Variants in NEGR1 observed in about 807,000 individuals in gnomAD.
NEGR1 encodes IgLON family member 4.
A neutral mutation model predicts 40.9 loss-of-function variants in NEGR1; 10 were observed. The ratio of observed to expected loss-of-function variants is 0.24; its 90% CI spans 0.15 to 0.42. The LOEUF (loss-of-function observed/expected upper bound fraction) is 0.42. NEGR1 is among the 10% of genes least tolerant of loss of function. NEGR1 has a pLI of 1.00. For synonymous variants in NEGR1, 185 were observed against 166.8 expected, an observed-to-expected ratio of 1.11 and a Z score of -0.84; for missense variants, 352 against 438.9, an observed-to-expected ratio of 0.80 and a Z score of 1.77.
chr1:71,905,383 A>T (rs1240111824), intron 2 of NEGR1, among the ~76,000 whole-genome samples: 1 of 151,758 alleles, frequency 6.6e-6, no homozygotes, highest in African/African-American at 2.4e-5. Context: ...TTTTCATCTA[A>T]TCTCATTTTT....
chr1:71,890,117 C>A (rs1377724107), intron 2 of NEGR1, among the ~76,000 whole-genome samples: 1 of 135,536 alleles, frequency 7.4e-6, no homozygotes, highest in Non-Finnish European at 1.6e-5. Flanking sequence ...AAAATCATGC[C>A]AAAATGTAAA....
chr1:72,074,365 T>C (rs912121459), intron 1 of NEGR1, among the ~76,000 whole-genome samples: 6 of 152,098 alleles, frequency 3.9e-5, no homozygotes, highest in African/African-American at 1.4e-4. Flanking sequence ...AATATTTATA[T>C]AGTTTAGTTA....
intron 6 of NEGR1, among the ~76,000 whole-genome samples, chr1:71,428,193 TG>T (rs902637564): frequency 2.0e-4 from 30 of 152,208 alleles, no homozygotes; most frequent in African/African-American, 6.8e-4. Flanking sequence ...AATGCCCTCT[TG>T]TATTTTCACA....
At chr1:72,041,301 T>C in intron 1 of NEGR1, among the ~76,000 whole-genome samples, 1 of 152,156 alleles carries the variant, frequency 6.6e-6, no homozygotes, top group African/African-American at 2.4e-5. Flanking sequence ...TTTACAAATT[T>C]CCTTTACAGG....
At chr1:71,684,472 G>C (rs1239998572) in intron 4 of NEGR1, among the ~76,000 whole-genome samples, 1 of 152,078 alleles carries the variant, frequency 6.6e-6, no homozygotes, top group Non-Finnish European at 1.5e-5. Flanking sequence ...ACGTATGTTT[G>C]TGTGTATGTA....
intron 3 of NEGR1, among the ~76,000 whole-genome samples, chr1:71,738,516 G>A (rs1429200067): frequency 1.3e-5 from 2 of 152,150 alleles, no homozygotes; most frequent in African/African-American, 4.8e-5. Flanking sequence ...TGGGGATGGG[G>A]ATCAGAGTGA....
At chr1:71,958,303 T>G (rs890391305) in intron 1 of NEGR1, among the ~76,000 whole-genome samples, 1 of 152,018 alleles carries the variant, frequency 6.6e-6, no homozygotes, top group Non-Finnish European at 1.5e-5. Flanking sequence ...AAAGCAGGAG[T>G]GAACAGATTT....
chr1:72,124,112 T>C (rs1289718847), intron 1 of NEGR1, among the ~76,000 whole-genome samples: 1 of 152,062 alleles, frequency 6.6e-6, no homozygotes, highest in African/African-American at 2.4e-5. Flanking sequence ...GCTGCTGGCT[T>C]GCTCATCTCT....
At position 71,619,285 on chromosome 1, in the gene NEGR1, G is replaced by T. The variant is rs1650540739; in HGVS notation, c.668-8139C>A. On this transcript the variant is annotated intron_variant, in intron 4 of 6. Transcript: ENST00000357731. ...AAGATGATCAAATGAAAAAATCTGA[G>T]TGATTGCTTCCAGAGCCTATTTCTC... 2.6e-5 allele frequency among the ~76,000 whole-genome samples: 4 copies of T among 152,026 alleles called. No individual in the cohort carries two copies. The South Asian group carries it at 8.3e-4, about 32-fold the overall frequency.
chr1:71,870,813 T>A (rs1175575490), intron 2 of NEGR1, among the ~76,000 whole-genome samples: 1 of 152,194 alleles, frequency 6.6e-6, no homozygotes, highest in Non-Finnish European at 1.5e-5. Flanking sequence ...ACTCATGAGA[T>A]GTTGTTTTCA....
chr1:71,824,071 A>C (rs1286489009), intron 2 of NEGR1, among the ~76,000 whole-genome samples: 1 of 151,996 alleles, frequency 6.6e-6, no homozygotes, highest in African/African-American at 2.4e-5. Context: ...TAAACATAAA[A>C]TATAATCCTG....
chr1:71,451,421 C>T (rs1646627397), intron 6 of NEGR1, among the ~76,000 whole-genome samples: 1 of 151,408 alleles, frequency 6.6e-6, no homozygotes, highest in Non-Finnish European at 1.5e-5. Flanking sequence ...GCAACCTCCG[C>T]CTCCTGGGTT....
intron 1 of NEGR1, among the ~76,000 whole-genome samples, chr1:72,171,923 C>A (rs1486112): frequency 6.6e-6 from 1 of 152,030 alleles, no homozygotes; most frequent in Admixed American, 6.6e-5. Flanking sequence ...GTTTGGGAAC[C>A]CAGTATTTTC....
intron 5 of NEGR1, among the ~76,000 whole-genome samples, chr1:71,595,964 AAT>A (rs1649695975): frequency 6.6e-6 from 1 of 152,070 alleles, no homozygotes; most frequent in Non-Finnish European, 1.5e-5. Context: ...CTGTAAAAAG[AAT>A]CATTCTTATA....
intron 6 of NEGR1, among the ~76,000 whole-genome samples, chr1:71,529,945 G>A (rs1471833170): frequency 6.6e-6 from 1 of 150,978 alleles, no homozygotes; most frequent in African/African-American, 2.4e-5. Context: ...ATTCTGACTT[G>A]TCAAGAATAT....
At chr1:72,207,942 T>C (rs78829398) in intron 1 of NEGR1, among the ~76,000 whole-genome samples, 5,821 of 151,862 alleles carry the variant, frequency 0.038, 353 homozygotes, top group African/African-American at 0.13. Flanking sequence ...ATTTTGATTA[T>C]ACTGATAAAG....
At chr1:71,817,773 T>C (rs776630087) in intron 2 of NEGR1, among the ~76,000 whole-genome samples, 1 of 151,966 alleles carries the variant, frequency 6.6e-6, no homozygotes, top group African/African-American at 2.4e-5. Context: ...GTATGAAAAA[T>C]AATACATAAA....
chr1:72,018,121 C>T (rs1557485887), intron 1 of NEGR1, among the ~76,000 whole-genome samples: 1 of 152,018 alleles, frequency 6.6e-6, no homozygotes, highest in Admixed American at 6.6e-5. Flanking sequence ...ATAGGGATTA[C>T]AGAATTACAT....
chr1:72,217,022 T>C (rs957279537), intron 1 of NEGR1, among the ~76,000 whole-genome samples: 1 of 151,662 alleles, frequency 6.6e-6, no homozygotes, highest in Non-Finnish European at 1.5e-5. Context: ...TAAGCCTCTT[T>C]ATCTGTAAGG....
Sources: allele counts gnomAD v4.1 joint callset (sites outside exome capture counted in the v4.1 genomes callset), GRCh38; gene constraint gnomAD v4.1.1; transcripts MANE v1.5; gene names NCBI Gene and HGNC (gene_info 2026-07-23, HGNC 2026-07-21).